Variants in CNN1 observed in about 807,000 individuals in gnomAD.
The protein encoded by CNN1 is calponin 1.
CNN1 carries 21 observed loss-of-function variants against 35.3 expected under a neutral mutation model. The observed-to-expected ratio is 0.60, with a 90% CI of 0.42 to 0.86. CNN1 has a LOEUF of 0.86. Ranked by LOEUF, CNN1 falls within the 40% of genes least tolerant of loss-of-function variation. The pLI is 0.00. For missense variants in CNN1, 314 were observed against 400.8 expected (o/e 0.78, Z 1.85); for synonymous variants, 164 against 161.8 (o/e 1.01, Z -0.10).
In CNN1 at chr19:11,549,828, G is replaced by A. The variant is rs746525335; in HGVS notation, c.*33G>A. The A allele has an allele frequency of 1.9e-6, 3 of 1,572,560 alleles. No homozygotes were observed. The Admixed American group carries it at 5.2e-5, about 27-fold the overall frequency. ...AGGCCTTCCCTGTTTTCCCCCCAAG[G>A]GAGGCTGCTGCTGCTCTTGGCTGGA... On this transcript the variant is annotated 3_prime_UTR_variant, in exon 7 of 7. Coordinates refer to ENST00000252456, the MANE Select transcript of CNN1 (RefSeq NM_001299.6). This position sits in a 1 kb window ranked among gnomAD's most constrained non-coding sequence, Gnocchi z 5.2.
intron 1 of CNN1, chr19:11,539,702 A>T (rs771997656): frequency 1.4e-6 from 1 of 735,902 alleles, no homozygotes; most frequent in South Asian, 1.4e-5. Flanking sequence ...TTCCTGCCCC[A>T]TTTGACAGAG....
At position 11,546,654 on chromosome 19, in the gene CNN1, C is replaced by T. The variant is rs1178438916; in HGVS notation, c.186-21C>T. ...CAACCCTGGGGGGACACCTTTCTTA[C>T]CCCTTCCCCACTCTTCTCAGATTCA... On this transcript the variant is annotated intron_variant, in intron 2 of 6. Coordinates refer to ENST00000252456, the MANE Select transcript of CNN1 (RefSeq NM_001299.6). 6 of 1,613,818 alleles carry T rather than the reference C, an allele frequency of 3.7e-6. No individual in the cohort carries two copies. In the South Asian group the frequency reaches 5.5e-5, roughly 15 times the overall value.
chr19:11,539,450 G>T, intron 1 of CNN1: 1 of 1,078,342 alleles, frequency 9.3e-7, no homozygotes. Context: ...CATCAGAAGT[G>T]CGGCAGGGGT....
At chr19:11,543,566 G>A (rs1393636958) in intron 2 of CNN1, among the ~76,000 whole-genome samples, 3 of 151,440 alleles carry the variant, frequency 2.0e-5, no homozygotes, top group African/African-American at 7.3e-5. Flanking sequence ...GGATCACGAG[G>A]TCAGGAGATC....
chr19:11,545,798 CAAAA>C (rs1030710214), intron 2 of CNN1, among the ~76,000 whole-genome samples: 1 of 58,796 alleles, frequency 1.7e-5, no homozygotes, highest in Non-Finnish European at 3.6e-5. Context: ...CCCTCTCTAC[CAAAA>C]AAAAAAAAAA....
chr19:11,549,494 C>T lies in CNN1; in HGVS notation c.648+25C>T. 6.2e-7 allele frequency: 1 copy of T among 1,611,558 alleles called. No individual in the cohort carries two copies. The highest frequency in any genetic ancestry group is 8.5e-7 in the Non-Finnish European group (1 of 1,178,430). Reference sequence around the variant, plus strand: ...GGTGAGTGGGGGCCCCCGGGACACGCCGTCAAGGCCCAGGACCCTGGCCAC... The same window carrying T: ...GGTGAGTGGGGGCCCCCGGGACACGTCGTCAAGGCCCAGGACCCTGGCCAC... On this transcript the variant is annotated intron_variant, in intron 6 of 6. Transcript: ENST00000252456. This position sits in a 1 kb window ranked among gnomAD's most constrained non-coding sequence, Gnocchi z 5.2.
Position 11,539,990 on chromosome 19 carries a change from G to A in CNN1, c.63+1000G>A. 3.8e-6 allele frequency: 4 copies of A among 1,064,060 alleles called. No individual in the cohort carries two copies. The South Asian group carries it at 1.0e-4, about 27-fold the overall frequency. 65.9% of individuals were successfully genotyped at this position (1,064,060 alleles called of 1,614,324 possible). A position where few individuals can be genotyped will look rare whatever the true frequency, so the allele number is the denominator to read the frequency against. On this transcript the variant is annotated intron_variant, in intron 1 of 6. Transcript: ENST00000252456. ...CCGGTTTGCTTTATAAAGCCGGGCT[G>A]GTGGCGTGGGGGGCGGCAGGGCCAG... is the stretch of plus-strand genomic sequence containing the variant.
chr19:11,542,273 A>G (rs1972483069), intron 2 of CNN1: 1 of 151,384 alleles, frequency 6.6e-6, no homozygotes, highest in Non-Finnish European at 1.5e-5. Context: ...GCTCACTGCA[A>G]CCTCTGCTTT....
At chr19:11,547,117 C>A in intron 4 of CNN1, 148 bp downstream of exon 4, 2 of 1,202,112 alleles carry the variant, frequency 1.7e-6, no homozygotes, top group Non-Finnish European at 2.3e-6. Flanking sequence ...TCCAAGGGGG[C>A]CGGGCGCGGT....
intron 2 of CNN1, among the ~76,000 whole-genome samples, chr19:11,543,782 C>CAAA (rs1158001002): frequency 2.8e-4 from 14 of 50,896 alleles, no homozygotes; most frequent in East Asian, 5.3e-4. Flanking sequence ...GACTCCGTCT[C>CAAA]AAAAAAAAAA....
rs1972692296 is a variant in CNN1 at position 11,550,121 on chromosome 19, C to T, written c.*326C>T. 7.4e-6 allele frequency: 2 copies of T among 271,452 alleles called. No individual in the cohort carries two copies. The highest frequency in any genetic ancestry group is 4.4e-5 in the African/African-American group (2 of 45,346). The allele number at this position is 271,452 out of a possible 1,614,324, so 16.8% of individuals were successfully genotyped here. A position where few individuals can be genotyped will look rare whatever the true frequency, so the allele number is the denominator to read the frequency against. ...CCCCCAGGACCAGAAGCTCCCCCAG[C>T]AAAGCCCCCAGAGCCCAGGCTCGGC... On this transcript the variant is annotated 3_prime_UTR_variant, in exon 7 of 7. Coordinates refer to ENST00000252456, the MANE Select transcript of CNN1 (RefSeq NM_001299.6).
At chr19:11,539,729 A>G (rs1972415337) in intron 1 of CNN1, 2 of 845,632 alleles carry the variant, frequency 2.4e-6, no homozygotes, top group African/African-American at 1.9e-5. Flanking sequence ...ACTGAGGCTC[A>G]GGGTGGCTTT....
intron 2 of CNN1, among the ~76,000 whole-genome samples, chr19:11,542,597 A>G (rs770176674): frequency 6.7e-4 from 99 of 146,756 alleles, no homozygotes; most frequent in Non-Finnish European, 9.6e-4. Flanking sequence ...TTTTTTTCAG[A>G]TGGAATCTTG....
rs768232820 is a variant in CNN1 at position 11,539,639 on chromosome 19, C to CT, written c.63+652dup. ...GGCTCAGCTTCTCCCAGCTGGAGAA[C>CT]TTTAAGTTTCCAGCCCACTGGAATC... On this transcript the variant is annotated intron_variant, in intron 1 of 6. Transcript: ENST00000252456. 1,157 of 724,002 alleles carry CT rather than the reference C, an allele frequency of 1.6e-3. 6 individuals are homozygous for CT. Among genetic ancestry groups the CT allele is most frequent in the Non-Finnish European group, 2.2e-3 (1,071 of 476,410 alleles). 44.8% of individuals were successfully genotyped at this position (724,002 alleles called of 1,614,324 possible). A position where few individuals can be genotyped will look rare whatever the true frequency, so the allele number is the denominator to read the frequency against.
Position 11,550,123 on chromosome 19 carries a change from A to C in CNN1, c.*328A>C. On this transcript the variant is annotated 3_prime_UTR_variant, in exon 7 of 7. Transcript: ENST00000252456. ...CCCAGGACCAGAAGCTCCCCCAGCA[A>C]AGCCCCCAGAGCCCAGGCTCGGCCT... 3.9e-6 allele frequency: 1 copy of C among 259,168 alleles called. No homozygotes were observed. Among genetic ancestry groups the C allele is most frequent in the Non-Finnish European group, 7.3e-6 (1 of 136,298 alleles). The allele number at this position is 259,168 out of a possible 1,614,324, so 16.1% of individuals were successfully genotyped here.
At chr19:11,541,304 T>C in intron 2 of CNN1, 107 bp downstream of exon 2, 7 of 1,402,374 alleles carry the variant, frequency 5.0e-6, no homozygotes, top group South Asian at 1.5e-5. Flanking sequence ...ACACTTTCTA[T>C]TGGATACCTT....
chr19:11,546,833 T>A lies in CNN1; in HGVS notation c.254T>A (p.Leu85Gln). 1 of 1,614,184 alleles carries A rather than the reference T, an allele frequency of 6.2e-7. No individual in the cohort carries two copies. The highest frequency in any genetic ancestry group is 8.5e-7 in the Non-Finnish European group (1 of 1,180,030). Residue 85 changes from leucine (L) to glutamine (Q), a missense_variant and splice_region_variant, in exon 4 of 7, where the codon CTG becomes CAG. By Grantham distance (113) the Leu-to-Gln change is moderately radical (BLOSUM62 -2). Transcript: ENST00000252456. Reference protein sequence around the residue: ...INESTQNWHQLENIGNFIKAI... With the variant: ...INESTQNWHQQENIGNFIKAI... ...TGACCACCACCTGCCCCCCTCTAGCTGGAGAACATCGGCAACTTCATCAAG... is the reference window on the plus strand; with the variant it reads ...TGACCACCACCTGCCCCCCTCTAGCAGGAGAACATCGGCAACTTCATCAAG...
At chr19:11,548,005 C>G in intron 5 of CNN1, 98 bp downstream of exon 5, 1 of 875,730 alleles carries the variant, frequency 1.1e-6, no homozygotes. Flanking sequence ...ATTAACTATA[C>G]TATAGGCCGG....
At position 11,546,826 on chromosome 19, in the gene CNN1, C is replaced by G. The variant is rs560520388; in HGVS notation, c.253-6C>G. The G allele has an allele frequency of 2.0e-5, 33 of 1,614,268 alleles. No homozygotes were observed. In the Middle Eastern group the frequency reaches 4.9e-4, roughly 24 times the overall value. On this transcript the variant is annotated splice_polypyrimidine_tract_variant and splice_region_variant and intron_variant, in intron 3 of 6. Coordinates refer to ENST00000252456, the MANE Select transcript of CNN1 (RefSeq NM_001299.6). ...CACCCAGTGACCACCACCTGCCCCC[C>G]TCTAGCTGGAGAACATCGGCAACTT...
Sources: allele counts gnomAD v4.1 joint callset (sites outside exome capture counted in the v4.1 genomes callset), GRCh38; gene constraint gnomAD v4.1.1; non-coding constraint Gnocchi (gnomAD v3.1); transcripts MANE v1.5; gene names NCBI Gene and HGNC (gene_info 2026-07-23, HGNC 2026-07-21).